The following PLXNA2 variants were observed in gnomAD, a reference collection of about 807,000 sequenced individuals.
The protein encoded by PLXNA2 is plexin-A2.
Under a neutral mutation model 193.5 loss-of-function variants are expected in PLXNA2, and 91 were observed. The ratio of observed to expected loss-of-function variants is 0.47; its 90% CI spans 0.40 to 0.56. PLXNA2 has a LOEUF of 0.56. Ranked by LOEUF, PLXNA2 falls within the 20% of genes least tolerant of loss-of-function variation. The pLI, the probability that PLXNA2 is intolerant of heterozygous loss-of-function variation, is 0.00. For synonymous variants in PLXNA2, 997 were observed against 1,027.3 expected, an observed-to-expected ratio of 0.97 and a Z score of 0.56; for missense variants, 1,995 against 2,503.2, an observed-to-expected ratio of 0.80 and a Z score of 4.33.
chr1:208,096,611 T>A (rs1666899970), intron 7 of PLXNA2, 119 bp downstream of exon 7: 2 of 1,197,450 alleles, frequency 1.7e-6, no homozygotes, highest in East Asian at 4.8e-5. Context: ...GTAAACAAGT[T>A]GTCTAAGCCA....
Position 208,244,271 on chromosome 1 carries a change from T to TGCCGCTCCTCCCGGCA in PLXNA2, c.-725_-710dup. ...CCCTCCCGCTCCAGTCTGGCGCGGA[T>TGCCGCTCCTCCCGGCA]GCCGCTCCTCCCGGCAGCTCTGGCT... On this transcript the variant is annotated 5_prime_UTR_variant, in exon 1 of 32. Transcript: ENST00000367033. The TGCCGCTCCTCCCGGCA allele has an allele frequency of 1.0e-5, 2 of 194,254 alleles. No individual in the cohort carries two copies. The highest frequency in any genetic ancestry group is 1.7e-4 in the South Asian group (2 of 12,082). The allele number at this position is 194,254 out of a possible 1,614,324, so 12.0% of individuals were successfully genotyped here.
chr1:208,191,436 G>A (rs1305493671), intron 3 of PLXNA2, among the ~76,000 whole-genome samples: 2 of 152,118 alleles, frequency 1.3e-5, no homozygotes, highest in South Asian at 2.1e-4. Flanking sequence ...AAATCGTGGC[G>A]CGTACTGAGG....
At position 208,044,581 on chromosome 1, in the gene PLXNA2, A is replaced by G. The variant is rs1302015903; in HGVS notation, c.3801T>C (p.Asn1267=). The part of the protein sequence containing the change: ...LIAYKRKSRE[N]DLTLKRLQMQ... The stretch of plus-strand genomic sequence containing the variant: ...TTTGCAGCCGCTTGAGAGTGAGGTC[A>G]TTTTCTCGAGACTTGCGCTTGTAGG... Residue 1267 remains asparagine (N), a synonymous_variant, in exon 20 of 32, where the codon AAT becomes AAC. Coordinates refer to ENST00000367033, the MANE Select transcript of PLXNA2 (RefSeq NM_025179.4). This position sits in a 1 kb window ranked among gnomAD's most constrained non-coding sequence, Gnocchi z 4.9. 5.0e-6 allele frequency: 8 copies of G among 1,614,048 alleles called. No homozygotes were observed. In the African/African-American group the frequency reaches 9.3e-5, roughly 19 times the overall value.
intron 4 of PLXNA2, among the ~76,000 whole-genome samples, chr1:208,129,964 T>C (rs1057203814): frequency 6.6e-6 from 1 of 152,198 alleles, no homozygotes; most frequent in Non-Finnish European, 1.5e-5. Flanking sequence ...TTTCTTATAA[T>C]TAAATATTAG....
chr1:208,045,239 T>C (rs2102324709), intron 18 of PLXNA2, 29 bp from the exon 19 acceptor site: 1 of 1,607,588 alleles, frequency 6.2e-7, no homozygotes, highest in Non-Finnish European at 8.5e-7. Flanking sequence ...TTTATAGGCA[T>C]AATTGACACA....
rs3818517 is a variant in PLXNA2 at position 208,096,899 on chromosome 1, A to C, written c.1732-16T>G. The C allele has an allele frequency of 0.35, 563,039 of 1,606,870 alleles. 100,726 individuals are homozygous for C. The highest frequency in any genetic ancestry group is 0.4 in the South Asian group (36,080 of 90,398). On this transcript the variant is annotated splice_polypyrimidine_tract_variant and intron_variant, in intron 6 of 31. Transcript: ENST00000367033. Reference sequence around the variant, plus strand: ...CCAGGCTAAGCTGTGGGAGGAGCAAAGAGATGATGCCAAAGAAATGCCTCA... The same window carrying C: ...CCAGGCTAAGCTGTGGGAGGAGCAACGAGATGATGCCAAAGAAATGCCTCA...
chr1:208,104,530 C>T (rs1288828793), intron 4 of PLXNA2, among the ~76,000 whole-genome samples: 1 of 152,024 alleles, frequency 6.6e-6, no homozygotes, highest in Non-Finnish European at 1.5e-5. Context: ...GAAGAGGTGA[C>T]CAGTGGTGTA....
intron 3 of PLXNA2, among the ~76,000 whole-genome samples, chr1:208,207,469 A>G (rs562206025): frequency 9.2e-5 from 14 of 152,328 alleles, no homozygotes; most frequent in African/African-American, 2.6e-4. Context: ...CTGTGGTCCT[A>G]TCACTTCTAG....
At chr1:208,239,156 A>T (rs1407476005) in intron 1 of PLXNA2, among the ~76,000 whole-genome samples, 2 of 50,292 alleles carry the variant, frequency 4.0e-5, no homozygotes, top group East Asian at 6.7e-4. Flanking sequence ...TTTTCTTCTA[A>T]AAAAAAAAAA....
intron 3 of PLXNA2, among the ~76,000 whole-genome samples, chr1:208,143,856 T>C (rs1184092802): frequency 1.3e-5 from 2 of 152,212 alleles, no homozygotes; most frequent in Admixed American, 6.5e-5. Context: ...GCGTAAGTCC[T>C]GTCAACATTT....
intron 12 of PLXNA2, among the ~76,000 whole-genome samples, chr1:208,074,007 C>A (rs1442596715): frequency 2.0e-5 from 3 of 152,206 alleles, no homozygotes; most frequent in African/African-American, 7.2e-5. Flanking sequence ...GTTTAAGCCA[C>A]CTGTTTGTGG....
chr1:208,030,808 CT>C (rs1479204072), intron 29 of PLXNA2: 5 of 985,306 alleles, frequency 5.1e-6, no homozygotes, highest in Non-Finnish European at 6.0e-6. Context: ...CAAAGGAAGC[CT>C]TTTGATGCCA....
At position 208,075,847 on chromosome 1, in the gene PLXNA2, T is replaced by C. The variant is rs533016092; in HGVS notation, c.2586+3413A>G. 4.6e-5 allele frequency among the ~76,000 whole-genome samples: 7 copies of C among 152,056 alleles called. 1 individual carries two copies. In the South Asian group the frequency reaches 1.5e-3, roughly 32 times the overall value. ...GCCAAGGTGGGCGGATCACTTGAGGTCAGGAGTTTGAGACCAGCCTGGCCA... is the reference window on the plus strand; with the variant it reads ...GCCAAGGTGGGCGGATCACTTGAGGCCAGGAGTTTGAGACCAGCCTGGCCA... On this transcript the variant is annotated intron_variant, in intron 12 of 31. Coordinates refer to ENST00000367033, the MANE Select transcript of PLXNA2 (RefSeq NM_025179.4).
Position 208,038,532 on chromosome 1 carries a change from T to G in PLXNA2, c.4661-58A>C. The G allele has an allele frequency of 2.2e-6, 3 of 1,363,740 alleles. No homozygotes were observed. Among genetic ancestry groups the G allele is most frequent in the Non-Finnish European group, 3.2e-6 (3 of 952,194 alleles). 84.5% of individuals were successfully genotyped at this position (1,363,740 alleles called of 1,614,324 possible). A position where few individuals can be genotyped will look rare whatever the true frequency, so the allele number is the denominator to read the frequency against. On this transcript the variant is annotated intron_variant, in intron 25 of 31. Coordinates refer to ENST00000367033, the MANE Select transcript of PLXNA2 (RefSeq NM_025179.4). The surrounding 1 kb of genome is among the most constrained non-coding windows in gnomAD (Gnocchi z 4.1). Reference sequence around the variant, plus strand: ...GAGAGGGATGAGGGCTGTGAGCCAGTGTCTCCCGATTGCACCTTCTCTAGG... The same window carrying G: ...GAGAGGGATGAGGGCTGTGAGCCAGGGTCTCCCGATTGCACCTTCTCTAGG...
rs1664294441 is a variant in PLXNA2, at chr1:208,024,872, T to A, written c.*2371A>T. On this transcript the variant is annotated 3_prime_UTR_variant, in exon 32 of 32. Transcript: ENST00000367033. Reference sequence around the variant, plus strand: ...AGAAGTTAGATGGGGTGGGCTGAACTTTTTTACAGGTAGCATAAGGTCTCC... The same window carrying A: ...AGAAGTTAGATGGGGTGGGCTGAACATTTTTACAGGTAGCATAAGGTCTCC... 6.6e-6 allele frequency: 1 copy of A among 152,202 alleles called. No homozygotes were observed. The highest frequency in any genetic ancestry group is 1.5e-5 in the Non-Finnish European group (1 of 68,064). 9.4% of individuals were successfully genotyped at this position (152,202 alleles called of 1,614,324 possible). A position where few individuals can be genotyped will look rare whatever the true frequency, so the allele number is the denominator to read the frequency against.
intron 12 of PLXNA2, among the ~76,000 whole-genome samples, chr1:208,077,545 C>G (rs536415577): frequency 6.6e-6 from 1 of 152,250 alleles, no homozygotes; most frequent in Admixed American, 6.5e-5. Flanking sequence ...ATTTAAGCTC[C>G]CCCACACCAT....
At chr1:208,126,888 G>C (rs1307581018) in intron 4 of PLXNA2, among the ~76,000 whole-genome samples, 2 of 152,208 alleles carry the variant, frequency 1.3e-5, no homozygotes, top group African/African-American at 4.8e-5. Flanking sequence ...CACAAGAAGA[G>C]AGGCAGGCAC....
intron 4 of PLXNA2, among the ~76,000 whole-genome samples, chr1:208,123,696 C>G (rs2102453309): frequency 6.6e-6 from 1 of 152,314 alleles, no homozygotes; most frequent in African/African-American, 2.4e-5. Context: ...TAATGGTTAT[C>G]TGTCATTGTT....
intron 3 of PLXNA2, among the ~76,000 whole-genome samples, chr1:208,170,340 T>C (rs908213914): frequency 6.6e-6 from 1 of 152,180 alleles, no homozygotes; most frequent in Non-Finnish European, 1.5e-5. Context: ...CTTGAAGCAG[T>C]CATTTGTGAC....
Sources: allele counts gnomAD v4.1 joint callset (sites outside exome capture counted in the v4.1 genomes callset), GRCh38; gene constraint gnomAD v4.1.1; non-coding constraint Gnocchi (gnomAD v3.1); transcripts MANE v1.5; gene names NCBI Gene and HGNC (gene_info 2026-07-23, HGNC 2026-07-21).